Variants in CNTNAP5 observed in about 807,000 individuals in gnomAD.
The protein encoded by CNTNAP5 is contactin associated protein family member 5.
CNTNAP5 carries 72 observed loss-of-function variants against 150.2 expected under a neutral mutation model. That is an observed-to-expected ratio of 0.48 (90% confidence interval 0.40 to 0.58). The LOEUF (loss-of-function observed/expected upper bound fraction) is 0.58, where lower values mean the gene tolerates loss of function less well. Ranked by LOEUF, CNTNAP5 falls within the 20% of genes least tolerant of loss-of-function variation. The pLI is 0.00. For synonymous variants in CNTNAP5, 672 were observed against 619.8 expected (o/e 1.08, Z -1.25); for missense variants, 1,636 against 1,626.2 (o/e 1.01, Z -0.10).
At chr2:124,629,439 A>G (rs1159593671) in intron 12 of CNTNAP5, among the ~76,000 whole-genome samples, 2 of 152,218 alleles carry the variant, frequency 1.3e-5, no homozygotes, top group African/African-American at 4.8e-5. Context: ...TTGGAAATTG[A>G]ACAACCTGCT....
intron 5 of CNTNAP5, among the ~76,000 whole-genome samples, chr2:124,444,078 T>C (rs1398717915): frequency 6.6e-6 from 1 of 152,074 alleles, no homozygotes; most frequent in African/African-American, 2.4e-5. Context: ...ATTTTATACA[T>C]AAAAACTGTG....
intron 19 of CNTNAP5, among the ~76,000 whole-genome samples, chr2:124,860,282 G>A (rs531792889): frequency 4.6e-5 from 7 of 151,886 alleles, no homozygotes; most frequent in East Asian, 1.9e-4. Flanking sequence ...CCCGGGAGGC[G>A]GAGCTTGCAG....
chr2:124,474,107 G>A (rs140569046), intron 6 of CNTNAP5, among the ~76,000 whole-genome samples: 7 of 152,082 alleles, frequency 4.6e-5, no homozygotes, highest in African/African-American at 4.8e-5. Context: ...ATACCCAATT[G>A]TAACTCTTGC....
At chr2:124,908,202 A>G (rs931541638) in intron 22 of CNTNAP5, among the ~76,000 whole-genome samples, 5 of 151,512 alleles carry the variant, frequency 3.3e-5, no homozygotes, top group Non-Finnish European at 7.4e-5. Context: ...GAAACCCCAT[A>G]TCTACTAAAA....
At chr2:124,124,782 T>G (rs1250413405) in intron 1 of CNTNAP5, among the ~76,000 whole-genome samples, 3 of 152,208 alleles carry the variant, frequency 2.0e-5, no homozygotes, top group Admixed American at 6.5e-5. Flanking sequence ...GAAAAGAATT[T>G]TCAACCCAGA....
chr2:124,771,724 C>G (rs372476973), intron 16 of CNTNAP5, among the ~76,000 whole-genome samples: 1 of 144,566 alleles, frequency 6.9e-6, no homozygotes, highest in Non-Finnish European at 1.5e-5. Context: ...TTCATCACCA[C>G]CATCACCACC....
chr2:124,232,589 C>T (rs1686651013), intron 2 of CNTNAP5, among the ~76,000 whole-genome samples: 1 of 152,104 alleles, frequency 6.6e-6, no homozygotes, highest in Non-Finnish European at 1.5e-5. Flanking sequence ...AATTTGAAGA[C>T]TCCTTCTTTC....
At chr2:124,707,207 T>TGAAGAAGAAGAAGAAGAAGAAGAAGAAG (rs1436560435) in intron 13 of CNTNAP5, among the ~76,000 whole-genome samples, 8 of 99,776 alleles carry the variant, frequency 8.0e-5, no homozygotes, top group Admixed American at 1.9e-4. Flanking sequence ...AGAAGAAGAA[T>TGAAGAAGAAGAAGAAGAAGAAGAAGAAG]AAACAACTTG....
At chr2:124,804,154 T>C (rs1682031885) in intron 19 of CNTNAP5, among the ~76,000 whole-genome samples, 1 of 152,216 alleles carries the variant, frequency 6.6e-6, no homozygotes, top group African/African-American at 2.4e-5. Context: ...CAATCTCTTG[T>C]ACTTTCATCA....
At chr2:124,823,463 C>T (rs1012282614) in intron 19 of CNTNAP5, among the ~76,000 whole-genome samples, 2 of 152,304 alleles carry the variant, frequency 1.3e-5, no homozygotes, top group Non-Finnish European at 2.9e-5. Context: ...CTACTGGTTA[C>T]GTACAGAAAG....
intron 3 of CNTNAP5, among the ~76,000 whole-genome samples, chr2:124,324,851 A>G (rs953565031): frequency 6.6e-6 from 1 of 152,168 alleles, no homozygotes; most frequent in Non-Finnish European, 1.5e-5. Context: ...TCATGAATCT[A>G]AGGTTTTTGT....
At chr2:124,112,102 A>G (rs984807176) in intron 1 of CNTNAP5, among the ~76,000 whole-genome samples, 1 of 152,218 alleles carries the variant, frequency 6.6e-6, no homozygotes, top group African/African-American at 2.4e-5. Flanking sequence ...GAAGGCAAAC[A>G]TAGAGATTTC....
At chr2:124,133,663 C>T (rs1304778803) in intron 1 of CNTNAP5, among the ~76,000 whole-genome samples, 1 of 152,068 alleles carries the variant, frequency 6.6e-6, no homozygotes, top group Non-Finnish European at 1.5e-5. Flanking sequence ...CTGTGGAGCA[C>T]CAGTAGTGCT....
chr2:124,298,407 AC>A (rs1553456179), intron 3 of CNTNAP5, among the ~76,000 whole-genome samples: 1 of 152,126 alleles, frequency 6.6e-6, no homozygotes, highest in Non-Finnish European at 1.5e-5. Flanking sequence ...ATATCACCAG[AC>A]CAACTCAAAA....
At chr2:124,603,676 A>C (rs1227018431) in intron 11 of CNTNAP5, among the ~76,000 whole-genome samples, 1 of 152,210 alleles carries the variant, frequency 6.6e-6, no homozygotes, top group Non-Finnish European at 1.5e-5. Flanking sequence ...GTTCTTTCTA[A>C]TATTCAGGAC....
intron 20 of CNTNAP5, among the ~76,000 whole-genome samples, chr2:124,869,087 C>A (rs1558807166): frequency 6.6e-6 from 1 of 152,056 alleles, no homozygotes. Flanking sequence ...TTTTGCTCAC[C>A]CCTGCAAGAT....
At chr2:124,763,571 CTGCAACTGG>C in intron 14 of CNTNAP5, 92 bp from the exon 15 acceptor site, 1 of 1,143,274 alleles carries the variant, frequency 8.7e-7, no homozygotes, top group South Asian at 1.5e-5. Flanking sequence ...CCCTACCCTG[CTGCAACTGG>C]CCAAATCACT....
intron 3 of CNTNAP5, among the ~76,000 whole-genome samples, chr2:124,332,851 C>T (rs1056989671): frequency 1.3e-5 from 2 of 152,012 alleles, no homozygotes; most frequent in Non-Finnish European, 2.9e-5. Context: ...TGTTGACAGA[C>T]ATCCTATTTT....
At chr2:124,203,193 C>A (rs941343213) in intron 1 of CNTNAP5, among the ~76,000 whole-genome samples, 9 of 152,116 alleles carry the variant, frequency 5.9e-5, no homozygotes, top group Admixed American at 4.6e-4. Context: ...AGTCCAAAAT[C>A]CAGCAGGGGA....
Sources: allele counts gnomAD v4.1 joint callset (sites outside exome capture counted in the v4.1 genomes callset), GRCh38; gene constraint gnomAD v4.1.1; transcripts MANE v1.5; gene names NCBI Gene and HGNC (gene_info 2026-07-23, HGNC 2026-07-21).